The following UGT8 variants were observed in gnomAD, a reference collection of about 807,000 sequenced individuals.
UGT8 encodes 2-hydroxyacylsphingosine 1-beta-galactosyltransferase.
UGT8 carries 12 observed loss-of-function variants against 40.5 expected under a neutral mutation model. The observed-to-expected ratio is 0.30, with a 90% CI of 0.19 to 0.48. The LOEUF (loss-of-function observed/expected upper bound fraction) is 0.48, where lower values mean the gene tolerates loss of function less well. Among genes scored for constraint, UGT8 ranks in the 20% least tolerant of loss-of-function variants. The pLI is 0.99. For missense variants in UGT8, 513 were observed against 648.7 expected (o/e 0.79, Z 2.27); for synonymous variants, 224 against 240.4 (o/e 0.93, Z 0.63).
intron 2 of UGT8, among the ~76,000 whole-genome samples, chr4:114,637,025 G>A (rs1208349275): frequency 2.0e-5 from 3 of 152,198 alleles, no homozygotes; most frequent in Admixed American, 6.5e-5. Flanking sequence ...TACTGAAATT[G>A]GAGGTCTAGT....
chr4:114,630,613 C>G (rs1453922994), intron 2 of UGT8, among the ~76,000 whole-genome samples: 1 of 151,448 alleles, frequency 6.6e-6, no homozygotes, highest in Admixed American at 6.6e-5. Context: ...GCTGTTGACA[C>G]TGGTACTTCT....
intron 2 of UGT8, among the ~76,000 whole-genome samples, chr4:114,624,005 A>G (rs868241594): frequency 4.6e-5 from 7 of 152,316 alleles, no homozygotes; most frequent in Middle Eastern, 6.8e-3. Context: ...ATATAGTTAA[A>G]TGGTTAATTT....
At chr4:114,670,545 C>T (rs1268279823) in intron 5 of UGT8, among the ~76,000 whole-genome samples, 1 of 146,628 alleles carries the variant, frequency 6.8e-6, no homozygotes, top group African/African-American at 2.5e-5. Context: ...ATCACATAAA[C>T]AGAACCAAAG....
intron 4 of UGT8, among the ~76,000 whole-genome samples, chr4:114,666,676 T>C (rs1366010626): frequency 1.3e-5 from 2 of 152,180 alleles, no homozygotes; most frequent in Non-Finnish European, 2.9e-5. Context: ...GACACTGTTA[T>C]GTATGAACAT....
intron 1 of UGT8, among the ~76,000 whole-genome samples, chr4:114,602,482 A>G (rs1730499062): frequency 6.6e-6 from 1 of 152,204 alleles, no homozygotes; most frequent in African/African-American, 2.4e-5. Context: ...GATCTTGAAA[A>G]CAGTGGTAAT....
intron 2 of UGT8, among the ~76,000 whole-genome samples, chr4:114,649,409 A>C (rs1162033637): frequency 6.6e-6 from 1 of 152,196 alleles, no homozygotes; most frequent in African/African-American, 2.4e-5. Context: ...TAACACACAT[A>C]ATTGAAAAAA....
chr4:114,660,890 CAAA>C (rs34026143), intron 2 of UGT8, among the ~76,000 whole-genome samples: 8 of 102,976 alleles, frequency 7.8e-5, no homozygotes, highest in Admixed American at 2.0e-4. Flanking sequence ...GACTCTGTCT[CAAA>C]AAAAAAAAAA....
chr4:114,619,324 T>C (rs1731629937), intron 1 of UGT8: 1 of 152,050 alleles, frequency 6.6e-6, no homozygotes, highest in East Asian at 1.9e-4. Flanking sequence ...ATATTCTATG[T>C]TGGTAATGTA....
intron 1 of UGT8, among the ~76,000 whole-genome samples, chr4:114,605,725 T>C (rs1173566038): frequency 6.6e-6 from 1 of 152,166 alleles, no homozygotes; most frequent in Admixed American, 6.5e-5. Context: ...TGTGCAAATA[T>C]GCTATATGTT....
At chr4:114,663,670 C>A in intron 2 of UGT8, 2 of 984,734 alleles carry the variant, frequency 2.0e-6, no homozygotes, top group Non-Finnish European at 2.4e-6. Flanking sequence ...TGTCTGCATA[C>A]AAATTTTTTT....
chr4:114,635,998 A>G (rs1434171768), intron 2 of UGT8, among the ~76,000 whole-genome samples: 1 of 152,194 alleles, frequency 6.6e-6, no homozygotes, highest in Non-Finnish European at 1.5e-5. Context: ...GGATTCTGAT[A>G]ATGTTTTGAT....
intron 1 of UGT8, among the ~76,000 whole-genome samples, chr4:114,605,020 A>G (rs868784902): frequency 7.9e-5 from 12 of 152,060 alleles, no homozygotes; most frequent in Middle Eastern, 3.4e-3. Flanking sequence ...TTCTAGTTCC[A>G]TGTTGTATAT....
At chr4:114,601,232 G>T (rs10027410) in intron 1 of UGT8, among the ~76,000 whole-genome samples, 7,769 of 152,144 alleles carry the variant, frequency 0.051, 417 homozygotes, top group African/African-American at 0.13. Context: ...TTCGTTTAAA[G>T]ATTTTGACAG....
chr4:114,656,616 A>T, intron 2 of UGT8: 1 of 305,038 alleles, frequency 3.3e-6, no homozygotes, highest in Non-Finnish European at 6.6e-6. Context: ...GAATAAACTC[A>T]CATGCTACAA....
At chr4:114,628,701 C>T (rs1252493046) in intron 2 of UGT8, among the ~76,000 whole-genome samples, 1 of 145,660 alleles carries the variant, frequency 6.9e-6, no homozygotes, top group Non-Finnish European at 1.5e-5. Context: ...CTTAAGTTCA[C>T]CAGTTGTGGA....
chr4:114,635,611 G>A (rs935134313), intron 2 of UGT8, among the ~76,000 whole-genome samples: 1 of 152,034 alleles, frequency 6.6e-6, no homozygotes, highest in Non-Finnish European at 1.5e-5. Context: ...AACATTTTAA[G>A]GAAAAAATTG....
intron 1 of UGT8, among the ~76,000 whole-genome samples, chr4:114,600,426 C>G (rs1730373353): frequency 6.6e-6 from 1 of 152,126 alleles, no homozygotes; most frequent in African/African-American, 2.4e-5. Context: ...TATATTCACT[C>G]AAAATTGGCG....
Position 114,623,063 on chromosome 4 carries a change from C to T in UGT8, c.183C>T (p.Asp61=). The change falls in exon 2 of 6, where the codon GAC becomes GAT. Residue 61 remains aspartate (D), a synonymous_variant. Transcript: ENST00000310836. ...HTVFLLSEGR[D]IAPSNHYSLQ... is the part of the protein sequence containing the mutation. ...TGTTCCTCCTCTCTGAAGGCAGAGA[C>T]ATCGCCCCATCTAATCATTACAGCC... is the stretch of plus-strand genomic sequence containing the variant. 6.2e-7 allele frequency: 1 copy of T among 1,614,154 alleles called. No homozygotes were observed. The highest frequency in any genetic ancestry group is 8.5e-7 in the Non-Finnish European group (1 of 1,180,020).
intron 2 of UGT8, among the ~76,000 whole-genome samples, chr4:114,625,338 C>T (rs75243733): frequency 0.051 from 7,674 of 151,830 alleles, 401 homozygotes; most frequent in African/African-American, 0.13. Flanking sequence ...CATAGTGAAA[C>T]CTTGTCTCTA....
Sources: allele counts gnomAD v4.1 joint callset (sites outside exome capture counted in the v4.1 genomes callset), GRCh38; gene constraint gnomAD v4.1.1; transcripts MANE v1.5; gene names NCBI Gene and HGNC (gene_info 2026-07-23, HGNC 2026-07-21).